The following CCDC7 variants were observed in gnomAD, a reference collection of about 807,000 sequenced individuals.
The protein encoded by CCDC7 is coiled-coil domain containing 7.
In CCDC7, 183 loss-of-function variants were observed where a neutral mutation model predicts 196.9. The observed-to-expected ratio is 0.93, with a 90% CI of 0.82 to 1.05. The LOEUF (loss-of-function observed/expected upper bound fraction) is 1.05. Ranked by LOEUF, CCDC7 falls within the 50% of genes least tolerant of loss-of-function variation. The pLI is 0.00. For synonymous variants in CCDC7, 525 were observed against 484.6 expected, an observed-to-expected ratio of 1.08 and a Z score of -1.10; for missense variants, 1,540 against 1,482.2, an observed-to-expected ratio of 1.04 and a Z score of -0.64.
chr10:32,574,337 T>A, intron 16 of CCDC7: 1 of 702,828 alleles, frequency 1.4e-6, no homozygotes. Flanking sequence ...ATATTACATA[T>A]TATATTATGT....
At chr10:32,859,654 A>T (rs73264324) in intron 41 of CCDC7, among the ~76,000 whole-genome samples, 2 of 152,070 alleles carry the variant, frequency 1.3e-5, no homozygotes, top group African/African-American at 4.8e-5. Context: ...TCAACAAAAT[A>T]AATAGGCCAC....
chr10:32,711,139 A>AAT (rs930728074), intron 24 of CCDC7, among the ~76,000 whole-genome samples: 2 of 141,098 alleles, frequency 1.4e-5, no homozygotes, highest in Admixed American at 7.2e-5. Context: ...TATATATATA[A>AAT]ATATATATAT....
chr10:32,574,378 A>C, intron 16 of CCDC7: 1 of 1,448,460 alleles, frequency 6.9e-7, no homozygotes, highest in East Asian at 2.6e-5. Flanking sequence ...CAAACTATTA[A>C]GCACATGGCA....
At chr10:32,683,780 TG>T (rs891034858) in intron 21 of CCDC7, among the ~76,000 whole-genome samples, 2 of 152,152 alleles carry the variant, frequency 1.3e-5, no homozygotes, top group African/African-American at 4.8e-5. Flanking sequence ...AACACAGAGC[TG>T]CCACAGACGG....
chr10:32,869,093 A>G (rs886783842), intron 41 of CCDC7, among the ~76,000 whole-genome samples: 5 of 152,126 alleles, frequency 3.3e-5, no homozygotes, highest in African/African-American at 1.2e-4. Flanking sequence ...CAGTAATGGG[A>G]TTGCTGGGTC....
intron 24 of CCDC7, among the ~76,000 whole-genome samples, chr10:32,697,247 G>T (rs1251693086): frequency 6.6e-6 from 1 of 152,168 alleles, no homozygotes; most frequent in Non-Finnish European, 1.5e-5. Context: ...CCAGGCTACA[G>T]CTCCTAGCAT....
chr10:32,772,815 G>T (rs2079374317), intron 28 of CCDC7, among the ~76,000 whole-genome samples: 1 of 152,172 alleles, frequency 6.6e-6, no homozygotes, highest in Non-Finnish European at 1.5e-5. Context: ...GATCCCTGGT[G>T]GGGGTGTGTA....
chr10:32,446,904 G>GCCTC (rs1425582889), upstream of CCDC7, among the ~76,000 whole-genome samples: 5 of 77,282 alleles, frequency 6.5e-5, no homozygotes, highest in African/African-American at 1.9e-4. Context: ...CTGCCTGCCT[G>GCCTC]CCTCCCTCCC....
chr10:32,515,775 C>T (rs1019710495), intron 9 of CCDC7, among the ~76,000 whole-genome samples: 7 of 151,794 alleles, frequency 4.6e-5, no homozygotes, highest in Non-Finnish European at 7.4e-5. Flanking sequence ...CTCCTGACCT[C>T]GTGATCCGCC....
chr10:32,731,016 G>C (rs1445031631), intron 28 of CCDC7, among the ~76,000 whole-genome samples: 2 of 151,824 alleles, frequency 1.3e-5, no homozygotes, highest in East Asian at 1.9e-4. Context: ...CTTGAATCTT[G>C]ATTATTCTAT....
intron 28 of CCDC7, among the ~76,000 whole-genome samples, chr10:32,751,713 C>A (rs2075687091): frequency 1.3e-5 from 2 of 152,098 alleles, no homozygotes; most frequent in Non-Finnish European, 2.9e-5. Flanking sequence ...TTTCACTGTT[C>A]CATCAGACTT....
At chr10:32,815,394 T>C (rs1055152571) in intron 31 of CCDC7, among the ~76,000 whole-genome samples, 3 of 152,162 alleles carry the variant, frequency 2.0e-5, no homozygotes, top group African/African-American at 4.8e-5. Context: ...GATGTCAACA[T>C]TGTGATGTAA....
intron 11 of CCDC7, among the ~76,000 whole-genome samples, chr10:32,534,249 T>C (rs896411904): frequency 3.3e-5 from 5 of 152,198 alleles, no homozygotes; most frequent in African/African-American, 9.6e-5. Flanking sequence ...TTTGTTTGAG[T>C]TTTAAAAAAT....
chr10:32,880,151 A>T (rs756648242), downstream of CCDC7, among the ~76,000 whole-genome samples: 1 of 152,144 alleles, frequency 6.6e-6, no homozygotes, highest in African/African-American at 2.4e-5. Flanking sequence ...TGGTTGAACT[A>T]GTTTACACTC....
intron 30 of CCDC7, among the ~76,000 whole-genome samples, chr10:32,813,278 A>C (rs974295234): frequency 2.0e-5 from 3 of 152,146 alleles, no homozygotes; most frequent in Non-Finnish European, 4.4e-5. Flanking sequence ...CTTTTTAATA[A>C]TTTTTATACG....
intron 20 of CCDC7, among the ~76,000 whole-genome samples, chr10:32,659,350 C>A (rs1007499914): frequency 6.6e-6 from 1 of 152,068 alleles, no homozygotes. Flanking sequence ...TGAAAAATTT[C>A]CTGTGATTGA....
chr10:32,861,751 C>T (rs563920613), intron 41 of CCDC7, among the ~76,000 whole-genome samples: 57 of 151,976 alleles, frequency 3.8e-4, no homozygotes, highest in African/African-American at 1.3e-3. Flanking sequence ...AAAAAGTAGG[C>T]AAAGGAGATG....
At chr10:32,641,824 G>T (rs1259945428) in intron 20 of CCDC7, among the ~76,000 whole-genome samples, 1 of 152,100 alleles carries the variant, frequency 6.6e-6, no homozygotes, top group African/African-American at 2.4e-5. Flanking sequence ...GAACAGATGG[G>T]GTTTTGGTGT....
intron 28 of CCDC7, among the ~76,000 whole-genome samples, chr10:32,775,099 T>C (rs2079791577): frequency 6.6e-6 from 1 of 152,184 alleles, no homozygotes; most frequent in Non-Finnish European, 1.5e-5. Flanking sequence ...TGGTTTCTTC[T>C]TCAACTCTCC....
Sources: gnomAD v4.1 joint callset for allele counts (sites outside exome capture counted in the v4.1 genomes callset) on GRCh38, gnomAD v4.1.1 for gene constraint, MANE v1.5 for transcripts, NCBI Gene and HGNC (gene_info 2026-07-23, HGNC 2026-07-21) for gene names.